NOP58: variants seen among roughly 807,000 people sequenced by gnomAD.
The protein encoded by NOP58 is NOP58 ribonucleoprotein.
In NOP58, 44 loss-of-function variants were observed where a neutral mutation model predicts 71.2. That is an observed-to-expected ratio of 0.62 (90% CI 0.49 to 0.79). The LOEUF is 0.79. NOP58 is among the 30% of genes least tolerant of loss of function. The probability of loss-of-function intolerance (pLI) is 0.00; values close to 1 mark genes in which losing one functional copy is unlikely to be tolerated. For synonymous variants in NOP58, 228 were observed against 200.3 expected, an observed-to-expected ratio of 1.14 and a Z score of -1.17; for missense variants, 538 against 620.2, an observed-to-expected ratio of 0.87 and a Z score of 1.41.
chr2:202,298,628 C>T (rs528655734), intron 12 of NOP58, among the ~76,000 whole-genome samples: 55 of 152,142 alleles, frequency 3.6e-4, no homozygotes, highest in African/African-American at 1.2e-3. Flanking sequence ...AGCAAAACTC[C>T]GTCTCAAAAA....
rs898905138 is a variant in NOP58 at position 202,293,215 on chromosome 2, C to T, written c.907+312C>T. 41 of 498,758 alleles carry T rather than the reference C, an allele frequency of 8.2e-5. No homozygotes were observed. The Admixed American group carries it at 8.5e-4, about 10-fold the overall frequency. 30.9% of individuals were successfully genotyped at this position (498,758 alleles called of 1,614,324 possible). ...AGGAGGATAAAACAGTTAACATTTT[C>T]ATAATAAAAACTCACTAGACCTAGA... On this transcript the variant is annotated intron_variant, in intron 9 of 14. Transcript: ENST00000264279.
intron 1 of NOP58, among the ~76,000 whole-genome samples, chr2:202,267,543 T>C (rs1688438411): frequency 6.6e-6 from 1 of 152,216 alleles, no homozygotes; most frequent in South Asian, 2.1e-4. Context: ...AACATGTCAA[T>C]TTTACTTTTC....
chr2:202,281,258 C>T (rs1688698184), intron 3 of NOP58, among the ~76,000 whole-genome samples: 1 of 151,792 alleles, frequency 6.6e-6, no homozygotes, highest in South Asian at 2.1e-4. Context: ...TCCCGAGTAG[C>T]TAGGATTACA....
intron 13 of NOP58, among the ~76,000 whole-genome samples, chr2:202,301,017 AAAAC>A (rs766956523): frequency 3.9e-5 from 6 of 152,200 alleles, no homozygotes; most frequent in Non-Finnish European, 7.3e-5. Context: ...CTTGATAGAG[AAAAC>A]AAACAATTTA....
At chr2:202,291,786 A>G (rs567453880) in intron 8 of NOP58, among the ~76,000 whole-genome samples, 1 of 143,136 alleles carries the variant, frequency 7.0e-6, no homozygotes, top group South Asian at 2.3e-4. Context: ...AGCCTGGGCA[A>G]CAAGAGCAAA....
chr2:202,282,231 G>A (rs1225076012), intron 3 of NOP58, 120 bp from the exon 4 acceptor site: 1 of 709,562 alleles, frequency 1.4e-6, no homozygotes, highest in Non-Finnish European at 2.3e-6. Flanking sequence ...CATTTCAGAA[G>A]TAACATTAAA....
intron 6 of NOP58, among the ~76,000 whole-genome samples, chr2:202,289,554 A>G (rs996679904): frequency 3.3e-5 from 5 of 152,134 alleles, no homozygotes; most frequent in Non-Finnish European, 5.9e-5. Flanking sequence ...GTTTGCAAAT[A>G]CTCTGAAATA....
intron 3 of NOP58, among the ~76,000 whole-genome samples, chr2:202,279,942 GC>G (rs1688673044): frequency 1.3e-5 from 2 of 152,292 alleles, no homozygotes; most frequent in South Asian, 4.1e-4. Flanking sequence ...AAAGTATACA[GC>G]TATAGAAGGT....
Position 202,290,432 on chromosome 2 carries a change from A to G in NOP58, c.609A>G (p.Thr203=), listed in dbSNP as rs369317828. ...ELGKIISDNL[T]YCKCLQKVGD... ...GAAAAATTATTTCAGATAATTTAAC[A>G]TACTGCAAGTGTTTACAGAAAGTTG... is the stretch of plus-strand genomic sequence containing the variant. Residue 203 remains threonine, a synonymous_variant, in exon 7 of 15, where the codon ACA becomes ACG. Transcript: ENST00000264279. 34 of 1,610,890 alleles carry G rather than the reference A, an allele frequency of 2.1e-5. No homozygotes were observed. The highest frequency in any genetic ancestry group is 2.5e-5 in the Non-Finnish European group (30 of 1,178,540).
At chr2:202,267,661 A>G (rs1488995382) in intron 1 of NOP58, among the ~76,000 whole-genome samples, 1 of 152,192 alleles carries the variant, frequency 6.6e-6, no homozygotes, top group Non-Finnish European at 1.5e-5. Flanking sequence ...TTCACCGTTA[A>G]TTGCCGTAGT....
At chr2:202,298,211 G>A (rs1042526158) in intron 12 of NOP58, among the ~76,000 whole-genome samples, 5 of 152,126 alleles carry the variant, frequency 3.3e-5, no homozygotes, top group African/African-American at 1.2e-4. Context: ...ACCATGTTGT[G>A]CACCCCTAAT....
chr2:202,280,817 C>T lies in NOP58; in HGVS notation c.176-1534C>T, dbSNP rs1220707562. The stretch of plus-strand genomic sequence containing the variant: ...CTGATCTTCGGCTGGAGTACAGGGG[C>T]GCGATCCCAGCTCACTGTAGTCTCT... On this transcript the variant is annotated intron_variant, in intron 3 of 14. Transcript: ENST00000264279. Among the ~76,000 whole-genome samples the T allele has an allele frequency of 5.6e-5, 8 of 142,890 alleles. No individual in the cohort carries two copies. In the South Asian group the frequency reaches 6.5e-4, roughly 12 times the overall value. 93.7% of individuals were successfully genotyped at this position (142,890 alleles called of 152,430 possible). A position where few individuals can be genotyped will look rare whatever the true frequency, so the allele number is the denominator to read the frequency against.
At chr2:202,269,696 G>A (rs375562675) in intron 1 of NOP58, among the ~76,000 whole-genome samples, 4 of 151,958 alleles carry the variant, frequency 2.6e-5, no homozygotes, top group African/African-American at 4.8e-5. Flanking sequence ...AGCTGCGGTC[G>A]CGCCACTGCA....
At chr2:202,282,292 A>C in intron 3 of NOP58, 59 bp from the exon 4 acceptor site, 3 of 1,484,644 alleles carry the variant, frequency 2.0e-6, no homozygotes, top group Non-Finnish European at 2.7e-6. Context: ...CAACTAGGGC[A>C]AGGTCTCAAA....
chr2:202,303,114 A>T, intron 14 of NOP58, 57 bp downstream of exon 14: 3 of 1,548,384 alleles, frequency 1.9e-6, no homozygotes, highest in South Asian at 1.2e-5. Flanking sequence ...TCTATATTTC[A>T]ATCTATTTTC....
rs1559268936 is a variant in NOP58 at position 202,302,922 on chromosome 2, TGAA to T, written c.1410_1412del (p.Glu474del). 7 of 1,601,402 alleles carry T rather than the reference TGAA, an allele frequency of 4.4e-6. No individual in the cohort carries two copies. The highest frequency in any genetic ancestry group is 2.2e-5 in the East Asian group (1 of 44,806). ...TGCCTTTACACTTACCCTATTCAGT[TGAA>T]GAAGAGGAAGAAGAAAAAGTGGCAG... is the stretch of plus-strand genomic sequence containing the variant. On this transcript the variant is annotated inframe_deletion and splice_region_variant, in exon 14 of 15. Transcript: ENST00000264279.
At chr2:202,299,472 CTTA>C (rs1031697738) in intron 12 of NOP58, among the ~76,000 whole-genome samples, 1 of 152,036 alleles carries the variant, frequency 6.6e-6, no homozygotes, top group African/African-American at 2.4e-5. Flanking sequence ...TAGTCTATAA[CTTA>C]TTATCTCTAG....
At chr2:202,292,362 A>G (rs1688917435) in intron 8 of NOP58, among the ~76,000 whole-genome samples, 1 of 152,022 alleles carries the variant, frequency 6.6e-6, no homozygotes, top group Admixed American at 6.6e-5. Flanking sequence ...TAGTTTACAT[A>G]CATTATATAA....
intron 6 of NOP58, among the ~76,000 whole-genome samples, chr2:202,288,980 C>G (rs564623191): frequency 6.6e-6 from 1 of 151,816 alleles, no homozygotes; most frequent in Non-Finnish European, 1.5e-5. Context: ...AGTAGCCAGT[C>G]GAGGTGGCGT....
Sources: gnomAD v4.1 joint callset for allele counts (sites outside exome capture counted in the v4.1 genomes callset) on GRCh38, gnomAD v4.1.1 for gene constraint, MANE v1.5 for transcripts, NCBI Gene and HGNC (gene_info 2026-07-23, HGNC 2026-07-21) for gene names.